SPMIP2: variants seen among roughly 807,000 people sequenced by gnomAD.
The protein encoded by SPMIP2 is sperm microtubule inner protein 2, also known as protein SPMIP2.
the SPMIP2 span, among the ~76,000 whole-genome samples, chr4:159,023,225 A>G: frequency 4.6e-5 from 7 of 152,130 alleles, no homozygotes; most frequent in African/African-American, 1.7e-4. Context: ...AGGACAGAAG[A>G]CCGTCTCACC....
At chr4:158,980,327 A>C in the SPMIP2 span, among the ~76,000 whole-genome samples, 1 of 152,184 alleles carries the variant, frequency 6.6e-6, no homozygotes. Flanking sequence ...AGAGCAGTGG[A>C]TCTCCCAGCA....
the SPMIP2 span, among the ~76,000 whole-genome samples, chr4:158,911,380 A>AAATAAATAAAT: frequency 1.8e-4 from 24 of 135,482 alleles, no homozygotes; most frequent in African/African-American, 6.7e-4. Context: ...ATAAATAAAT[A>AAATAAATAAAT]AATAAAATAA....
At chr4:158,998,267 T>G in the SPMIP2 span, among the ~76,000 whole-genome samples, 1 of 152,240 alleles carries the variant, frequency 6.6e-6, no homozygotes, top group Non-Finnish European at 1.5e-5. Flanking sequence ...CAAGCCAGAT[T>G]TGGCACATGA....
the SPMIP2 span, among the ~76,000 whole-genome samples, chr4:158,970,401 G>A: frequency 6.6e-6 from 1 of 152,174 alleles, no homozygotes; most frequent in South Asian, 2.1e-4. Flanking sequence ...TTATCTAGGT[G>A]TGGTGGCATG....
chr4:158,908,835 C>A, the SPMIP2 span, among the ~76,000 whole-genome samples: 1 of 152,026 alleles, frequency 6.6e-6, no homozygotes, highest in Non-Finnish European at 1.5e-5. Flanking sequence ...TACAGGCATG[C>A]GCCACCACAA....
the SPMIP2 span, among the ~76,000 whole-genome samples, chr4:158,962,195 T>C: frequency 6.6e-6 from 1 of 152,180 alleles, no homozygotes; most frequent in Non-Finnish European, 1.5e-5. Flanking sequence ...TTGCAGACAT[T>C]TGGGGCACAT....
At chr4:158,939,108 G>C in the SPMIP2 span, among the ~76,000 whole-genome samples, 30 of 152,310 alleles carry the variant, frequency 2.0e-4, no homozygotes, top group Middle Eastern at 3.4e-3. Flanking sequence ...GCAACACAGG[G>C]AAGGAAGGAG....
chr4:159,056,840 G>A, the SPMIP2 span, among the ~76,000 whole-genome samples: 1 of 152,190 alleles, frequency 6.6e-6, no homozygotes, highest in Non-Finnish European at 1.5e-5. Context: ...AGGAAAGAAA[G>A]AAAGGAATTC....
chr4:158,940,559 CT>C, the SPMIP2 span, among the ~76,000 whole-genome samples: 405 of 135,100 alleles, frequency 3.0e-3, 5 homozygotes, highest in East Asian at 7.0e-3. Context: ...GTTGTTCCTT[CT>C]TTTTTTTTTT....
the SPMIP2 span, among the ~76,000 whole-genome samples, chr4:158,932,346 A>T: frequency 4.6e-5 from 7 of 152,124 alleles, no homozygotes; most frequent in South Asian, 1.4e-3. Flanking sequence ...GGAACCTGTA[A>T]TCCCAGCTAC....
At chr4:159,078,795 T>C in the SPMIP2 span, among the ~76,000 whole-genome samples, 1 of 152,186 alleles carries the variant, frequency 6.6e-6, no homozygotes, top group African/African-American at 2.4e-5. Context: ...ATCAATATGA[T>C]CCAGTGGACA....
At chr4:158,985,813 G>C in the SPMIP2 span, among the ~76,000 whole-genome samples, 1 of 152,014 alleles carries the variant, frequency 6.6e-6, no homozygotes, top group East Asian at 1.9e-4. Context: ...GAAATAAAGG[G>C]TATTCAATTA....
the SPMIP2 span, among the ~76,000 whole-genome samples, chr4:158,924,986 TA>T: frequency 6.6e-6 from 1 of 152,356 alleles, no homozygotes; most frequent in South Asian, 2.1e-4. Flanking sequence ...TTTGTATCTA[TA>T]TTCATAGCAG....
At chr4:159,018,872 C>T in the SPMIP2 span, among the ~76,000 whole-genome samples, 2 of 152,258 alleles carry the variant, frequency 1.3e-5, no homozygotes, top group South Asian at 2.1e-4. Context: ...AGGCGGATCA[C>T]GAGGTCAGGA....
the SPMIP2 span, among the ~76,000 whole-genome samples, chr4:158,976,574 G>A: frequency 1.3e-3 from 203 of 151,152 alleles, 2 homozygotes; most frequent in African/African-American, 4.7e-3. Context: ...TTCTGTTTAT[G>A]TGATGGATTA....
chr4:158,952,682 G>A, the SPMIP2 span, among the ~76,000 whole-genome samples: 1 of 152,210 alleles, frequency 6.6e-6, no homozygotes. Context: ...AGGAAAATGT[G>A]AGAAAGTTTG....
chr4:159,047,993 T>A, the SPMIP2 span, among the ~76,000 whole-genome samples: 1 of 152,364 alleles, frequency 6.6e-6, no homozygotes, highest in South Asian at 2.1e-4. Flanking sequence ...CTGCTCCCAG[T>A]CTTTAGAGAT....
At chr4:158,973,138 T>A in the SPMIP2 span, 2 of 1,612,100 alleles carry the variant, frequency 1.2e-6, no homozygotes, top group Non-Finnish European at 1.7e-6. Context: ...TGTGGTATTC[T>A]CCAACCAATT....
chr4:158,946,526 C>G, the SPMIP2 span, among the ~76,000 whole-genome samples: 1 of 152,122 alleles, frequency 6.6e-6, no homozygotes, highest in Non-Finnish European at 1.5e-5. Flanking sequence ...GCACCTCCCC[C>G]CTGCCCCTTC....
Sources: gnomAD v4.1 joint callset for allele counts (sites outside exome capture counted in the v4.1 genomes callset) on GRCh38, gnomAD v4.1.1 for gene constraint, MANE v1.5 for transcripts, NCBI Gene and HGNC (gene_info 2026-07-23, HGNC 2026-07-21) for gene names.